IQGAP3: variants seen among roughly 807,000 people sequenced by gnomAD.
The protein encoded by IQGAP3 is IQ motif containing GTPase activating protein 3, also known as ras GTPase-activating-like protein IQGAP3.
In IQGAP3, 165 loss-of-function variants were observed where a neutral mutation model predicts 208.2. The ratio of observed to expected loss-of-function variants is 0.79; its 90% CI spans 0.70 to 0.90. The LOEUF (loss-of-function observed/expected upper bound fraction) is 0.90, where lower values mean the gene tolerates loss of function less well. Ranked by LOEUF, IQGAP3 falls within the 40% of genes least tolerant of loss-of-function variation. The pLI, the probability that IQGAP3 is intolerant of heterozygous loss-of-function variation, is 0.00. For synonymous variants in IQGAP3, 703 were observed against 803.6 expected (o/e 0.87, Z 2.12); for missense variants, 1,811 against 2,043.1 (o/e 0.89, Z 2.19).
chr1:156,570,467 G>A (rs569395095), intron 1 of IQGAP3, among the ~76,000 whole-genome samples: 32 of 152,254 alleles, frequency 2.1e-4, no homozygotes, highest in African/African-American at 6.5e-4. Flanking sequence ...TCTAGGCTGC[G>A]GTTAGCCATG....
intron 35 of IQGAP3, 106 bp from the exon 36 acceptor site, chr1:156,528,716 C>G: frequency 9.2e-7 from 1 of 1,088,652 alleles, no homozygotes. Context: ...GAAGACTTCT[C>G]ACTGATGGAA....
intron 11 of IQGAP3, among the ~76,000 whole-genome samples, chr1:156,559,702 C>T (rs151169566): frequency 5.3e-5 from 8 of 152,202 alleles, no homozygotes; most frequent in African/African-American, 1.9e-4. Flanking sequence ...ACCAGAAGCC[C>T]GGTGATGGGA....
intron 33 of IQGAP3, among the ~76,000 whole-genome samples, chr1:156,530,688 C>T (rs1674351244): frequency 6.6e-6 from 1 of 152,168 alleles, no homozygotes; most frequent in African/African-American, 2.4e-5. Context: ...GGGCATTTAC[C>T]TGTCTGTTCT....
Position 156,563,321 on chromosome 1 carries a change from G to T in IQGAP3, c.620-9C>A. The T allele has an allele frequency of 6.3e-7, 1 of 1,579,760 alleles. No individual in the cohort carries two copies. The highest frequency in any genetic ancestry group is 8.6e-7 in the Non-Finnish European group (1 of 1,157,862). ...AAGAACAGCTGCATGGACTGGGAGA[G>T]GGCATGGAAACAAGGTCAGGAGGCC... On this transcript the variant is annotated splice_polypyrimidine_tract_variant and intron_variant, in intron 7 of 37. Transcript: ENST00000361170.
At position 156,535,162 on chromosome 1, in the gene IQGAP3, C is replaced by G. The variant is rs771425992; in HGVS notation, c.3507+1G>C. On this transcript the variant is annotated splice_donor_variant, in intron 28 of 37. Transcript: ENST00000361170. LOFTEE classifies it high-confidence loss of function. ...GGTGGGGGTGGGGAGACAACACTTG[C>G]CTTATAGACCTCGCTGTCTGTGGCG... 6.2e-7 allele frequency: 1 copy of G among 1,611,774 alleles called. No homozygotes were observed. Among genetic ancestry groups the G allele is most frequent in the Non-Finnish European group, 8.5e-7 (1 of 1,178,054 alleles).
At position 156,528,433 on chromosome 1, in the gene IQGAP3, G is replaced by A. The variant is rs566158304; in HGVS notation, c.4673+76C>T. 87 of 1,042,438 alleles carry A rather than the reference G, an allele frequency of 8.3e-5. 1 individual carries two copies. The highest frequency in any genetic ancestry group is 5.8e-4 in the South Asian group (43 of 74,384). The allele number at this position is 1,042,438 out of a possible 1,614,324, so 64.6% of individuals were successfully genotyped here. ...GGACCATGCTTCTTCTCTTCCACCC[G>A]GTGCCCAGCCCAGAGCTCCACCCCC... On this transcript the variant is annotated intron_variant, in intron 36 of 37. Transcript: ENST00000361170.
chr1:156,535,547 G>T (rs1571318206), intron 27 of IQGAP3, among the ~76,000 whole-genome samples: 1 of 152,176 alleles, frequency 6.6e-6, no homozygotes, highest in East Asian at 1.9e-4. Context: ...GACTCTCTGG[G>T]TCCCCTGCAG....
intron 1 of IQGAP3, among the ~76,000 whole-genome samples, chr1:156,570,897 G>A (rs1676618321): frequency 6.6e-6 from 1 of 152,236 alleles, no homozygotes; most frequent in Non-Finnish European, 1.5e-5. Context: ...TATGGGAGCA[G>A]CAGAGGAAGC....
intron 33 of IQGAP3, among the ~76,000 whole-genome samples, chr1:156,530,896 C>T (rs1038504446): frequency 1.3e-5 from 2 of 152,150 alleles, no homozygotes; most frequent in African/African-American, 4.8e-5. Flanking sequence ...TCTCAGTGCC[C>T]CCCATAGCCC....
intron 2 of IQGAP3, 131 bp from the exon 3 acceptor site, chr1:156,566,677 C>T: frequency 2.4e-6 from 2 of 832,964 alleles, no homozygotes; most frequent in South Asian, 3.5e-5. Context: ...CCTGCTCTAC[C>T]TCCAACTCCC....
At chr1:156,566,660 T>C in intron 2 of IQGAP3, 114 bp from the exon 3 acceptor site, 1 of 960,554 alleles carries the variant, frequency 1.0e-6, no homozygotes, top group Non-Finnish European at 1.6e-6. Flanking sequence ...CTCCTCTGCT[T>C]CCTGTTCCTG....
At chr1:156,533,167 A>C (rs1674504052) in intron 31 of IQGAP3, 61 bp from the exon 32 acceptor site, 2 of 1,586,364 alleles carry the variant, frequency 1.3e-6, no homozygotes, top group South Asian at 2.2e-5. Context: ...GCACACACAC[A>C]TACACACACA....
At chr1:156,537,531 G>A (rs1571320935) in intron 26 of IQGAP3, among the ~76,000 whole-genome samples, 1 of 152,332 alleles carries the variant, frequency 6.6e-6, no homozygotes, top group African/African-American at 2.4e-5. Context: ...GTATCTACAG[G>A]GAAGCTGGAA....
intron 37 of IQGAP3, among the ~76,000 whole-genome samples, chr1:156,527,458 A>G (rs995462015): frequency 6.6e-6 from 1 of 152,138 alleles, no homozygotes; most frequent in African/African-American, 2.4e-5. Flanking sequence ...AGCCTGGGTG[A>G]CGGAGTAAGG....
chr1:156,563,326 T>C lies in IQGAP3; in HGVS notation c.620-14A>G, dbSNP rs753162932. On this transcript the variant is annotated splice_polypyrimidine_tract_variant and intron_variant, in intron 7 of 37. Transcript: ENST00000361170. ...CAGCTGCATGGACTGGGAGAGGGCA[T>C]GGAAACAAGGTCAGGAGGCCAGAGT... 3.2e-6 allele frequency: 5 copies of C among 1,577,590 alleles called. No homozygotes were observed. The highest frequency in any genetic ancestry group is 1.1e-5 in the South Asian group (1 of 87,232).
Position 156,525,910 on chromosome 1 carries a change from G to C in IQGAP3, c.*576C>G, listed in dbSNP as rs1192835388. On this transcript the variant is annotated 3_prime_UTR_variant, in exon 38 of 38. Transcript: ENST00000361170. The stretch of plus-strand genomic sequence containing the variant: ...AAGGTCATCTTGCCCATGCCGCCAT[G>C]GGGGGCAACAGTGCCACAATGCCAC... The C allele has an allele frequency of 6.5e-6, 1 of 154,438 alleles. No homozygotes were observed. Among genetic ancestry groups the C allele is most frequent in the Non-Finnish European group, 1.4e-5 (1 of 69,266 alleles). 9.6% of individuals were successfully genotyped at this position (154,438 alleles called of 1,614,324 possible).
Position 156,552,016 on chromosome 1 carries a change from T to A in IQGAP3, c.1528A>T (p.Thr510Ser), listed in dbSNP as rs1194497464. The change falls in exon 14 of 38, where the codon ACC (threonine) becomes TCC (serine). Residue 510 changes from threonine (T) to serine (S), a missense_variant. Coordinates refer to ENST00000361170, the MANE Select transcript of IQGAP3 (RefSeq NM_178229.5). ...GTCTGTGCATTGACCTGGCTCACGG[T>A]GGCCTGCAGGTCATTCCAGCTCAGG... ...DFLSWNDLQA[T>S]VSQVNAQTQE... 4 of 1,614,178 alleles carry A rather than the reference T, an allele frequency of 2.5e-6. No homozygotes were observed. Among genetic ancestry groups the A allele is most frequent in the Non-Finnish European group, 3.4e-6 (4 of 1,180,030 alleles).
Position 156,561,971 on chromosome 1 carries a change from G to A in IQGAP3, c.908C>T (p.Ala303Val). ...VHGALEVVDD[A>V]LERQSPEALL... ...GGCTTCAGGGCTCTGTCTTTCCAGGGCATCATCAACAACTTCTAGAGCCCC... is the reference window on the plus strand; with the variant it reads ...GGCTTCAGGGCTCTGTCTTTCCAGGACATCATCAACAACTTCTAGAGCCCC... The change falls in exon 10 of 38, where the codon GCC becomes GTC. Residue 303 changes from alanine to valine, a missense_variant. Transcript: ENST00000361170. The A allele has an allele frequency of 1.2e-6, 2 of 1,612,970 alleles. No homozygotes were observed. Among genetic ancestry groups the A allele is most frequent in the South Asian group, 1.1e-5 (1 of 90,994 alleles).
chr1:156,566,248 A>T (rs550432708), intron 3 of IQGAP3, 142 bp downstream of exon 3: 27 of 1,210,880 alleles, frequency 2.2e-5, no homozygotes, highest in South Asian at 2.8e-5. Context: ...CATCCCTACC[A>T]GGACAGAGAA....
Sources: allele counts gnomAD v4.1 joint callset (sites outside exome capture counted in the v4.1 genomes callset), GRCh38; gene constraint gnomAD v4.1.1; transcripts MANE v1.5; gene names NCBI Gene and HGNC (gene_info 2026-07-23, HGNC 2026-07-21).